Variants in SNX29 observed in about 807,000 individuals in gnomAD.
SNX29 encodes sorting nexin-29.
SNX29 carries 78 observed loss-of-function variants against 102.1 expected under a neutral mutation model. That is an observed-to-expected ratio of 0.76 (90% CI 0.64 to 0.92). SNX29 has a LOEUF of 0.92. SNX29 is among the 40% of genes least tolerant of loss of function. SNX29 has a pLI of 0.00. For missense variants in SNX29, 1,280 were observed against 1,061.7 expected (o/e 1.21, Z -2.86); for synonymous variants, 580 against 414.5 (o/e 1.40, Z -4.85).
At chr16:12,434,216 G>A (rs1032465792) in intron 18 of SNX29, among the ~76,000 whole-genome samples, 4 of 152,180 alleles carry the variant, frequency 2.6e-5, no homozygotes, top group Admixed American at 1.3e-4. Context: ...GTGAAATGGG[G>A]ATAATATTAT....
chr16:12,308,762 GGA>G (rs1218611020), intron 15 of SNX29, among the ~76,000 whole-genome samples: 2 of 152,080 alleles, frequency 1.3e-5, no homozygotes, highest in African/African-American at 4.8e-5. Flanking sequence ...TTTCTCAGCT[GGA>G]GAGTCTTGAC....
chr16:12,545,239 G>A lies in SNX29; in HGVS notation c.2318+20398G>A, dbSNP rs62026959. 2.7e-3 allele frequency among the ~76,000 whole-genome samples: 413 copies of A among 152,338 alleles called. 1 individual carries two copies. Among genetic ancestry groups the A allele is most frequent in the Non-Finnish European group, 4.3e-3 (290 of 68,032 alleles). On this transcript the variant is annotated intron_variant, in intron 20 of 20. Coordinates refer to ENST00000566228, the MANE Select transcript of SNX29 (RefSeq NM_032167.5). The stretch of plus-strand genomic sequence containing the variant: ...AGGCAATGACAGGGAAAGGGCCTCT[G>A]TTCTCAAGTGGCTCCAAAGAGTACT...
intron 1 of SNX29, among the ~76,000 whole-genome samples, chr16:11,991,806 G>A (rs2055866848): frequency 6.6e-6 from 1 of 150,926 alleles, no homozygotes; most frequent in African/African-American, 2.4e-5. Flanking sequence ...ACCCACTTTG[G>A]CCTCCCAAAG....
intron 13 of SNX29, among the ~76,000 whole-genome samples, chr16:12,192,116 G>T (rs533428031): frequency 7.9e-5 from 12 of 152,310 alleles, no homozygotes; most frequent in Non-Finnish European, 1.3e-4. Context: ...GTTGCTGGTT[G>T]TTTACTCTGA....
At chr16:12,131,523 T>C (rs1567234802) in intron 13 of SNX29, among the ~76,000 whole-genome samples, 1 of 152,172 alleles carries the variant, frequency 6.6e-6, no homozygotes, top group Non-Finnish European at 1.5e-5. Context: ...TGTACCTGGA[T>C]GTGGTATTTG....
intron 20 of SNX29, among the ~76,000 whole-genome samples, chr16:12,541,190 C>G (rs957092603): frequency 6.6e-6 from 1 of 152,108 alleles, no homozygotes; most frequent in African/African-American, 2.4e-5. Flanking sequence ...TATTGTCTAT[C>G]CTGAAGTATT....
chr16:12,427,229 T>G (rs2085117391), intron 18 of SNX29, among the ~76,000 whole-genome samples: 1 of 152,134 alleles, frequency 6.6e-6, no homozygotes, highest in African/African-American at 2.4e-5. Context: ...ATGCAGGGTT[T>G]CAGACTCTGT....
chr16:12,166,899 C>T (rs1309567957), intron 13 of SNX29, among the ~76,000 whole-genome samples: 1 of 152,180 alleles, frequency 6.6e-6, no homozygotes, highest in African/African-American at 2.4e-5. Flanking sequence ...CAAAGCAAAA[C>T]TCAAGCCCTA....
chr16:12,318,613 C>T (rs1036365178), intron 15 of SNX29, among the ~76,000 whole-genome samples: 5 of 152,124 alleles, frequency 3.3e-5, no homozygotes, highest in African/African-American at 9.7e-5. Flanking sequence ...TGGCTTATGC[C>T]TGTAATCCTG....
At position 12,571,841 on chromosome 16, in the gene SNX29, C is replaced by T. The variant is rs902013049; in HGVS notation, c.*3212C>T. The T allele has an allele frequency of 1.0e-5, 11 of 1,052,506 alleles. No homozygotes were observed. The highest frequency in any genetic ancestry group is 1.3e-5 in the Non-Finnish European group (11 of 868,762). The allele number at this position is 1,052,506 out of a possible 1,614,324, so 65.2% of individuals were successfully genotyped here. A position where few individuals can be genotyped will look rare whatever the true frequency, so the allele number is the denominator to read the frequency against. Reference sequence around the variant, plus strand: ...TCTTTGATTCCCACTTAGCAGTATGCTCCAATCACGTTGCTGGCAAGGCAT... The same window carrying T: ...TCTTTGATTCCCACTTAGCAGTATGTTCCAATCACGTTGCTGGCAAGGCAT... On this transcript the variant is annotated 3_prime_UTR_variant, in exon 21 of 21. Coordinates refer to ENST00000566228, the MANE Select transcript of SNX29 (RefSeq NM_032167.5).
chr16:12,464,483 C>G (rs952420670), intron 18 of SNX29, among the ~76,000 whole-genome samples: 4 of 152,054 alleles, frequency 2.6e-5, no homozygotes, highest in African/African-American at 4.8e-5. Flanking sequence ...GACAGGGTCT[C>G]AGCTCTGACA....
At chr16:12,540,754 T>C (rs896418835) in intron 20 of SNX29, among the ~76,000 whole-genome samples, 1 of 152,180 alleles carries the variant, frequency 6.6e-6, no homozygotes. Flanking sequence ...ACCATTGATC[T>C]TACCGCCACC....
intron 12 of SNX29, among the ~76,000 whole-genome samples, chr16:12,128,233 A>G (rs988209074): frequency 6.6e-6 from 1 of 152,230 alleles, no homozygotes; most frequent in African/African-American, 2.4e-5. Flanking sequence ...GTTATCTTGG[A>G]AGAAGCCATA....
At chr16:12,544,876 C>T (rs1014363804) in intron 20 of SNX29, among the ~76,000 whole-genome samples, 1 of 152,222 alleles carries the variant, frequency 6.6e-6, no homozygotes, top group South Asian at 2.1e-4. Flanking sequence ...AACACAGCCC[C>T]TGGCCTGTGG....
At chr16:12,087,333 C>G in intron 11 of SNX29, 1 of 147,660 alleles carries the variant, frequency 6.8e-6, no homozygotes, top group African/African-American at 2.6e-5. Flanking sequence ...AGGCGAATCG[C>G]TTGAACCCAG....
At chr16:12,080,406 G>C (rs1027941855) in intron 11 of SNX29, among the ~76,000 whole-genome samples, 1 of 152,186 alleles carries the variant, frequency 6.6e-6, no homozygotes, top group Non-Finnish European at 1.5e-5. Flanking sequence ...CCTGAACTCC[G>C]CTGAGCAGGT....
chr16:12,117,270 AT>A, intron 11 of SNX29, among the ~76,000 whole-genome samples: 1 of 147,888 alleles, frequency 6.8e-6, no homozygotes, highest in African/African-American at 2.5e-5. Context: ...GGCGTGGTCA[AT>A]ACGTGCTTCA....
intron 15 of SNX29, among the ~76,000 whole-genome samples, chr16:12,346,252 G>A (rs2081800962): frequency 6.6e-6 from 1 of 152,110 alleles, no homozygotes; most frequent in South Asian, 2.1e-4. Flanking sequence ...GAGAGATGAA[G>A]GATGTAGATT....
At chr16:12,457,339 G>A (rs1242225851) in intron 18 of SNX29, among the ~76,000 whole-genome samples, 2 of 152,128 alleles carry the variant, frequency 1.3e-5, no homozygotes, top group African/African-American at 2.4e-5. Flanking sequence ...TGGTGGAGTC[G>A]GGGGTTAATT....
Sources: gnomAD v4.1 joint callset for allele counts (sites outside exome capture counted in the v4.1 genomes callset) on GRCh38, gnomAD v4.1.1 for gene constraint, MANE v1.5 for transcripts, NCBI Gene and HGNC (gene_info 2026-07-23, HGNC 2026-07-21) for gene names.